CLCN7: variants seen among roughly 807,000 people sequenced by gnomAD.
The protein encoded by CLCN7 is Cl-/H+ antiporter 7.
CLCN7 carries 60 observed loss-of-function variants against 102.1 expected under a neutral mutation model. That is an observed-to-expected ratio of 0.59 (90% CI 0.48 to 0.73). The LOEUF (loss-of-function observed/expected upper bound fraction) is 0.73, where lower values mean the gene tolerates loss of function less well. Among genes scored for constraint, CLCN7 ranks in the 30% least tolerant of loss-of-function variants. The probability of loss-of-function intolerance (pLI) is 0.00; values close to 1 mark genes in which losing one functional copy is unlikely to be tolerated. For synonymous variants in CLCN7, 560 were observed against 490.5 expected (o/e 1.14, Z -1.87); for missense variants, 962 against 1,125.7 (o/e 0.85, Z 2.08).
intron 1 of CLCN7, chr16:1,474,424 G>T: frequency 3.0e-6 from 1 of 337,618 alleles, no homozygotes; most frequent in South Asian, 2.2e-5. Context: ...GGTCAAAAAC[G>T]CAAACAAAAT....
rs1282575913 is a variant in CLCN7 at position 1,445,120 on chromosome 16, G to A, written c.*1511C>T. 2.6e-5 allele frequency: 4 copies of A among 152,082 alleles called. No individual in the cohort carries two copies. The highest frequency in any genetic ancestry group is 4.4e-5 in the Non-Finnish European group (3 of 67,972). 9.4% of individuals were successfully genotyped at this position (152,082 alleles called of 1,614,324 possible). Reference sequence around the variant, plus strand: ...CCCGGCCCGCCCCCCTCCACCTGGAGCGCCTCTGCCTTGCCCCCAGACCCA... The same window carrying A: ...CCCGGCCCGCCCCCCTCCACCTGGAACGCCTCTGCCTTGCCCCCAGACCCA... On this transcript the variant is annotated 3_prime_UTR_variant, in exon 25 of 25. Transcript: ENST00000382745.
intron 16 of CLCN7, among the ~76,000 whole-genome samples, 185 bp downstream of exon 16, chr16:1,451,438 A>G (rs1428752177): frequency 1.3e-5 from 2 of 152,170 alleles, no homozygotes; most frequent in Non-Finnish European, 2.9e-5. Flanking sequence ...TCCTAGGCTC[A>G]AGTGATCCTC....
In CLCN7 at chr16:1,448,341, G is replaced by T; in HGVS notation, c.2013+14C>A. On this transcript the variant is annotated intron_variant, in intron 21 of 24. Transcript: ENST00000382745. ...GTCACATAGGCAGGACCCTGTCTAT[G>T]GGGTGCCCGGTACCTGGGTGTCATC... 6.2e-7 allele frequency: 1 copy of T among 1,612,624 alleles called. No homozygotes were observed. Among genetic ancestry groups the T allele is most frequent in the Non-Finnish European group, 8.5e-7 (1 of 1,179,906 alleles).
At chr16:1,474,569 C>A (rs1189379445) in intron 1 of CLCN7, among the ~76,000 whole-genome samples, 1 of 152,236 alleles carries the variant, frequency 6.6e-6, no homozygotes, top group Non-Finnish European at 1.5e-5. Context: ...CTCAGCGCCC[C>A]ACATTCCGCG....
chr16:1,453,852 A>T lies in CLCN7; in HGVS notation c.1196T>A (p.Leu399Gln). ...TCCTCACCTGATTCGAAACATGGTC[A>T]GCCAGTAGTTCAAGGCATTGAACAC... ...GAVFNALNYWLTMFRIRYIHR... is the reference protein window; with the variant it reads ...GAVFNALNYWQTMFRIRYIHR... Residue 399 changes from leucine to glutamine, a missense_variant, in exon 14 of 25, where the codon CTG (leucine) becomes CAG (glutamine). Physicochemically the swap from Leu to Gln is moderately radical, Grantham distance 113. Transcript: ENST00000382745. 1 of 1,613,426 alleles carries T rather than the reference A, an allele frequency of 6.2e-7. No individual in the cohort carries two copies. The highest frequency in any genetic ancestry group is 8.5e-7 in the Non-Finnish European group (1 of 1,180,044).
intron 1 of CLCN7, among the ~76,000 whole-genome samples, chr16:1,469,517 C>G (rs1179675610): frequency 1.3e-5 from 2 of 150,972 alleles, no homozygotes; most frequent in African/African-American, 4.9e-5. Context: ...GAAACCCCAA[C>G]TCTCCTAAAA....
At chr16:1,473,069 C>CTTAT (rs34677582) in intron 1 of CLCN7, among the ~76,000 whole-genome samples, 2 of 81,664 alleles carry the variant, frequency 2.4e-5, no homozygotes, top group East Asian at 2.2e-4. Context: ...CACACCTGGC[C>CTTAT]TTTCTTTTAA....
chr16:1,453,340 A>G (rs1596216285), intron 14 of CLCN7, among the ~76,000 whole-genome samples: 1 of 152,102 alleles, frequency 6.6e-6, no homozygotes, highest in East Asian at 1.9e-4. Context: ...TCAATCAGGC[A>G]CCCAAATGTC....
intron 14 of CLCN7, 46 bp downstream of exon 14, chr16:1,453,788 T>C (rs765029582): frequency 1.9e-6 from 3 of 1,581,946 alleles, no homozygotes; most frequent in East Asian, 2.2e-5. Flanking sequence ...AAAGGGCCTG[T>C]GTGGCCACGC....
At chr16:1,466,301 C>G (rs2039003832) in intron 1 of CLCN7, among the ~76,000 whole-genome samples, 1 of 152,204 alleles carries the variant, frequency 6.6e-6, no homozygotes, top group African/African-American at 2.4e-5. Context: ...CCCTCCTCAT[C>G]CCCCCATCTC....
At position 1,448,700 on chromosome 16, in the gene CLCN7, A is replaced by T. The variant is rs773464510; in HGVS notation, c.1864T>A (p.Ser622Thr). Residue 622 changes from serine (S) to threonine (T), a missense_variant, in exon 20 of 25, where the codon TCA (serine) becomes ACA (threonine). Coordinates refer to ENST00000382745, the MANE Select transcript of CLCN7 (RefSeq NM_001287.6). ...PFLHWEAPVT[S>T]HSLTAREVMS... ...CTGTACCTGGCAGTGAGTGAGTGTG[A>T]GGTGACCGGGGCCTCCCAGTGCAGG... The T allele has an allele frequency of 6.2e-7, 1 of 1,612,644 alleles. No individual in the cohort carries two copies. The highest frequency in any genetic ancestry group is 2.2e-5 in the East Asian group (1 of 44,842).
rs367805626 is a variant in CLCN7, at chr16:1,450,643, C to T, written c.1471G>A (p.Gly491Ser). The stretch of plus-strand genomic sequence containing the variant: ...AAGAAGTAGACCAGCGTGAACAGGC[C>T]GAGGGTCAGGGGGTTGTAGGAGCCT... Reference protein sequence around the residue: ...PPGSYNPLTLGLFTLVYFFLA... With the variant: ...PPGSYNPLTLSLFTLVYFFLA... Residue 491 changes from glycine to serine, a missense_variant, in exon 17 of 25, where the codon GGC becomes AGC. By Grantham distance (56) the Gly-to-Ser change is moderately conservative. Transcript: ENST00000382745. The T allele has an allele frequency of 4.1e-5, 66 of 1,611,798 alleles. No homozygotes were observed. Among genetic ancestry groups the T allele is most frequent in the Non-Finnish European group, 5.0e-5 (59 of 1,179,346 alleles).
In CLCN7 at chr16:1,446,543, G is replaced by C. The variant is rs1350743316; in HGVS notation, c.*88C>G. 8.0e-7 allele frequency: 1 copy of C among 1,251,552 alleles called. No homozygotes were observed. The allele number at this position is 1,251,552 out of a possible 1,614,324, so 77.5% of individuals were successfully genotyped here. On this transcript the variant is annotated 3_prime_UTR_variant, in exon 25 of 25. Transcript: ENST00000382745. Reference sequence around the variant, plus strand: ...GCCATTGCCACTGCTGGGGAGCATGGTTTGGGCCGAGAAACCAGTGACTCC... The same window carrying C: ...GCCATTGCCACTGCTGGGGAGCATGCTTTGGGCCGAGAAACCAGTGACTCC...
At chr16:1,447,835 G>T in intron 21 of CLCN7, 121 bp from the exon 22 acceptor site, 1 of 1,105,758 alleles carries the variant, frequency 9.0e-7, no homozygotes, top group South Asian at 1.4e-5. Context: ...CATGGGCCCC[G>T]TGTCGGTGGC....
At chr16:1,465,640 G>C (rs2038995031) in intron 1 of CLCN7, among the ~76,000 whole-genome samples, 1 of 152,214 alleles carries the variant, frequency 6.6e-6, no homozygotes, top group Non-Finnish European at 1.5e-5. Context: ...GGAAAGAAGG[G>C]CTGGACAACA....
Position 1,457,237 on chromosome 16 carries a change from A to G in CLCN7, c.822+17T>C, listed in dbSNP as rs12933110. The G allele has an allele frequency of 0.092, 148,292 of 1,612,048 alleles. 7,846 individuals carry two copies. The highest frequency in any genetic ancestry group is 0.11 in the Non-Finnish European group (127,150 of 1,178,310). On this transcript the variant is annotated intron_variant, in intron 9 of 24. Transcript: ENST00000382745. This position sits in a 1 kb window ranked among gnomAD's most constrained non-coding sequence, Gnocchi z 5.4. Reference sequence around the variant, plus strand: ...CCCATGGCATCTGGAGCCCACCCACACAAGATTTCAACTCACCTTGAAATC... The same window carrying G: ...CCCATGGCATCTGGAGCCCACCCACGCAAGATTTCAACTCACCTTGAAATC...
intron 9 of CLCN7, 118 bp from the exon 10 acceptor site, chr16:1,456,324 TCAG>T: frequency 1.3e-6 from 1 of 756,828 alleles, no homozygotes; most frequent in South Asian, 1.5e-5. Flanking sequence ...GACAACCGAG[TCAG>T]CAGCTCTGAT....
chr16:1,453,927 C>T lies in CLCN7; in HGVS notation c.1154-33G>A, dbSNP rs560905308. On this transcript the variant is annotated intron_variant, in intron 13 of 24. Transcript: ENST00000382745. ...CAGGGGAAAGGCCAGTCAGCGACAC[C>T]GGAGGAAAAGTGCGGGCCTCCGCCC... 283 of 1,611,358 alleles carry T rather than the reference C, an allele frequency of 1.8e-4. 2 individuals carry two copies. The South Asian group carries it at 2.5e-3, about 14-fold the overall frequency.
intron 14 of CLCN7, among the ~76,000 whole-genome samples, chr16:1,453,483 CG>C (rs2038786378): frequency 6.6e-6 from 1 of 152,170 alleles, no homozygotes; most frequent in South Asian, 2.1e-4. Context: ...AGGAAGAAGC[CG>C]GGGGGCCCCG....
Sources: gnomAD v4.1 joint callset for allele counts (sites outside exome capture counted in the v4.1 genomes callset) on GRCh38, gnomAD v4.1.1 for gene constraint, Gnocchi (gnomAD v3.1) non-coding constraint, MANE v1.5 for transcripts, NCBI Gene and HGNC (gene_info 2026-07-23, HGNC 2026-07-21) for gene names.